Variants in RGL1 observed in about 807,000 individuals in gnomAD.
The protein encoded by RGL1 is ral guanine nucleotide dissociation stimulator like 1.
In RGL1, 24 loss-of-function variants were observed where a neutral mutation model predicts 95.2. That is an observed-to-expected ratio of 0.25 (90% confidence interval 0.18 to 0.35). The LOEUF is 0.35. RGL1 is among the 10% of genes least tolerant of loss of function. The pLI is 1.00. For synonymous variants in RGL1, 329 were observed against 344.9 expected (o/e 0.95, Z 0.51); for missense variants, 715 against 936.3 (o/e 0.76, Z 3.08).
At chr1:183,768,461 CTTTT>C (rs71130639) in intron 2 of RGL1, among the ~76,000 whole-genome samples, 6 of 83,852 alleles carry the variant, frequency 7.2e-5, no homozygotes, top group Non-Finnish European at 1.1e-4. Context: ...CTTTAGATAA[CTTTT>C]TTTTTTTTTT....
chr1:183,655,695 A>C (rs757959323), intron 1 of RGL1, among the ~76,000 whole-genome samples: 15 of 152,204 alleles, frequency 9.9e-5, no homozygotes, highest in Non-Finnish European at 1.5e-4. Context: ...AACAGCAGAG[A>C]GCTTTCTGTA....
intron 1 of RGL1, among the ~76,000 whole-genome samples, chr1:183,712,099 A>C (rs1171612533): frequency 1.3e-5 from 2 of 152,246 alleles, no homozygotes; most frequent in African/African-American, 4.8e-5. Context: ...AATTACTAAG[A>C]GACCCAGTGA....
chr1:183,857,556 C>T (rs143108413), intron 3 of RGL1, among the ~76,000 whole-genome samples: 18 of 152,272 alleles, frequency 1.2e-4, no homozygotes, highest in African/African-American at 4.3e-4. Context: ...TTCAGGACAT[C>T]ATGCCCTGTT....
At chr1:183,731,396 T>C (rs1027984615) in intron 1 of RGL1, among the ~76,000 whole-genome samples, 5 of 152,204 alleles carry the variant, frequency 3.3e-5, no homozygotes, top group African/African-American at 9.6e-5. Flanking sequence ...GGAAGTGTGA[T>C]AGGCACTAGA....
chr1:183,739,034 G>C (rs796538041), intron 1 of RGL1, among the ~76,000 whole-genome samples: 17 of 152,322 alleles, frequency 1.1e-4, no homozygotes, highest in African/African-American at 4.1e-4. Flanking sequence ...AAGTCCCCTT[G>C]TTCAAAAATT....
intron 2 of RGL1, among the ~76,000 whole-genome samples, chr1:183,771,309 A>T (rs1659261421): frequency 6.6e-6 from 1 of 151,994 alleles, no homozygotes; most frequent in African/African-American, 2.4e-5. Flanking sequence ...AAGAAAAAAA[A>T]AAAACAAGAA....
At chr1:183,874,428 CG>C (rs1666365103) in intron 4 of RGL1, among the ~76,000 whole-genome samples, 1 of 152,138 alleles carries the variant, frequency 6.6e-6, no homozygotes, top group African/African-American at 2.4e-5. Context: ...CATCCTACTC[CG>C]GGCCCTCTCC....
chr1:183,900,274 C>T (rs1667940983), intron 11 of RGL1, 38 bp downstream of exon 11: 1 of 1,503,558 alleles, frequency 6.7e-7, no homozygotes, highest in Non-Finnish European at 9.3e-7. Flanking sequence ...GGCCTGCAGC[C>T]TTCCCACTGG....
chr1:183,878,081 A>G (rs1666612423), intron 4 of RGL1, among the ~76,000 whole-genome samples: 1 of 152,182 alleles, frequency 6.6e-6, no homozygotes, highest in Non-Finnish European at 1.5e-5. Context: ...AAACAATAAG[A>G]TAGATCTAGA....
At chr1:183,657,456 A>G (rs375712625) in intron 1 of RGL1, among the ~76,000 whole-genome samples, 10,313 of 151,876 alleles carry the variant, frequency 0.068, 584 homozygotes, top group African/African-American at 0.16. Flanking sequence ...CCACCCCACA[A>G]CAGTCCCCAG....
Position 183,805,364 on chromosome 1 carries a change from T to C in RGL1, c.27+40T>C, listed in dbSNP as rs747142369. On this transcript the variant is annotated intron_variant, in intron 1 of 17. Coordinates refer to ENST00000360851, the MANE Select transcript of RGL1 (RefSeq NM_001297671.3). Reference sequence around the variant, plus strand: ...CTGCCTTCTCCCGAGGCTTCTCTGGTGGGGAATCTTCTCCCGCTTTCGCTG... The same window carrying C: ...CTGCCTTCTCCCGAGGCTTCTCTGGCGGGGAATCTTCTCCCGCTTTCGCTG... The C allele has an allele frequency of 1.2e-5, 18 of 1,563,642 alleles. No individual in the cohort carries two copies. In the South Asian group the frequency reaches 1.6e-4, roughly 14 times the overall value.
chr1:183,640,291 T>A (rs1230499689), intron 1 of RGL1, among the ~76,000 whole-genome samples: 3 of 152,198 alleles, frequency 2.0e-5, no homozygotes, highest in Non-Finnish European at 4.4e-5. Context: ...TTATCTGAAT[T>A]GCTGCAGTCC....
At chr1:183,889,899 GTTCT>G (rs1166708137) in intron 8 of RGL1, among the ~76,000 whole-genome samples, 1 of 151,942 alleles carries the variant, frequency 6.6e-6, no homozygotes, top group Non-Finnish European at 1.5e-5. Context: ...CTTTTTTTAG[GTTCT>G]TTCTTCTCTA....
chr1:183,774,700 C>T (rs770892778), intron 2 of RGL1, among the ~76,000 whole-genome samples: 22 of 151,360 alleles, frequency 1.5e-4, no homozygotes, highest in Admixed American at 2.6e-4. Context: ...TTCAGCCTCC[C>T]GAGTAGCTGG....
At chr1:183,925,969 G>A in intron 17 of RGL1, 136 bp from the exon 18 acceptor site, 1 of 595,602 alleles carries the variant, frequency 1.7e-6, no homozygotes, top group South Asian at 3.7e-5. Context: ...GGTGATCACT[G>A]TCTGGTTCAG....
chr1:183,686,071 C>A (rs896059930), intron 1 of RGL1, among the ~76,000 whole-genome samples: 1 of 152,204 alleles, frequency 6.6e-6, no homozygotes, highest in Non-Finnish European at 1.5e-5. Context: ...TTCCAAGTCT[C>A]ACACTGGATC....
intron 2 of RGL1, among the ~76,000 whole-genome samples, chr1:183,769,663 CA>C (rs1221993074): frequency 3.3e-5 from 5 of 152,242 alleles, no homozygotes; most frequent in Admixed American, 6.5e-5. Flanking sequence ...GATAGTAATA[CA>C]AACTCACCAG....
chr1:183,735,739 C>T (rs1454883335), intron 1 of RGL1, among the ~76,000 whole-genome samples: 1 of 152,164 alleles, frequency 6.6e-6, no homozygotes, highest in Non-Finnish European at 1.5e-5. Context: ...TTTCTCAGGG[C>T]AGTAGGAATC....
chr1:183,799,514 G>T (rs1183096929), intron 2 of RGL1, among the ~76,000 whole-genome samples: 1 of 152,092 alleles, frequency 6.6e-6, no homozygotes. Flanking sequence ...GGTATGTGTT[G>T]ATATCTCATT....
Sources: allele counts gnomAD v4.1 joint callset (sites outside exome capture counted in the v4.1 genomes callset), GRCh38; gene constraint gnomAD v4.1.1; transcripts MANE v1.5; gene names NCBI Gene and HGNC (gene_info 2026-07-23, HGNC 2026-07-21).